Variants in SCUBE1 observed in about 807,000 individuals in gnomAD.
SCUBE1 encodes the protein signal peptide, CUB and EGF-like domain-containing protein 1.
SCUBE1 carries 59 observed loss-of-function variants against 124.4 expected under a neutral mutation model. The ratio of observed to expected loss-of-function variants is 0.47; its 90% CI spans 0.38 to 0.59. The LOEUF (loss-of-function observed/expected upper bound fraction) is 0.59. SCUBE1 is among the 20% of genes least tolerant of loss of function. The pLI is 0.00. For synonymous variants in SCUBE1, 545 were observed against 550.9 expected, an observed-to-expected ratio of 0.99 and a Z score of 0.15; for missense variants, 1,150 against 1,371.2, an observed-to-expected ratio of 0.84 and a Z score of 2.55.
Position 43,200,121 on chromosome 22 carries a change from C to T in SCUBE1, c.*3876G>A, listed in dbSNP as rs947594190. On this transcript the variant is annotated 3_prime_UTR_variant, in exon 22 of 22. Coordinates refer to ENST00000360835, the MANE Select transcript of SCUBE1 (RefSeq NM_173050.5). ...TTTCCATGCCTTTCTTCACAGAGTT[C>T]CTCTGGTTCCCTGGGGTGCCATGCT... The T allele has an allele frequency of 3.9e-5, 6 of 152,302 alleles. No individual in the cohort carries two copies. Among genetic ancestry groups the T allele is most frequent in the African/African-American group, 1.4e-4 (6 of 41,474 alleles). The allele number at this position is 152,302 out of a possible 1,614,324, so 9.4% of individuals were successfully genotyped here.
At chr22:43,260,109 G>A (rs752987423) in intron 5 of SCUBE1, among the ~76,000 whole-genome samples, 6 of 152,192 alleles carry the variant, frequency 3.9e-5, no homozygotes, top group African/African-American at 9.7e-5. Flanking sequence ...GGAGATTCCC[G>A]TTTCAGAGTG....
rs747900977 is a variant in SCUBE1, at chr22:43,207,624, G to A, written c.2735-11C>T. 8 of 1,610,920 alleles carry A rather than the reference G, an allele frequency of 5.0e-6. No individual in the cohort carries two copies. In the Admixed American group the frequency reaches 1.3e-4, roughly 27 times the overall value. ...GTTGCTGGTAGTCCTCTGGGCAGCG[G>A]GTCAGCAGGGGGAGAGGAAGGCGAG... On this transcript the variant is annotated splice_polypyrimidine_tract_variant and intron_variant, in intron 20 of 21. Coordinates refer to ENST00000360835, the MANE Select transcript of SCUBE1 (RefSeq NM_173050.5).
chr22:43,242,600 C>G lies in SCUBE1; in HGVS notation c.728-3646G>C, dbSNP rs115883279. 3.2e-3 allele frequency among the ~76,000 whole-genome samples: 493 copies of G among 152,354 alleles called. 4 individuals carry two copies. Among genetic ancestry groups the G allele is most frequent in the African/African-American group, 0.011 (464 of 41,590 alleles). ...CATTATGGCCTCATGAGGAATCTCC[C>G]CCACCCTGAAACACACTTGTGGAGG... On this transcript the variant is annotated intron_variant, in intron 6 of 21. Coordinates refer to ENST00000360835, the MANE Select transcript of SCUBE1 (RefSeq NM_173050.5).
chr22:43,335,040 G>A (rs1927019258), intron 2 of SCUBE1, among the ~76,000 whole-genome samples: 1 of 152,172 alleles, frequency 6.6e-6, no homozygotes, highest in African/African-American at 2.4e-5. Context: ...ATAACCACCT[G>A]CAGAAACACA....
intron 16 of SCUBE1, among the ~76,000 whole-genome samples, chr22:43,212,914 G>A (rs1340209740): frequency 1.3e-5 from 2 of 152,176 alleles, no homozygotes; most frequent in Non-Finnish European, 2.9e-5. Flanking sequence ...GGAGGGGCAG[G>A]TCACGTGTCT....
chr22:43,271,171 G>A (rs2146721940), intron 4 of SCUBE1, among the ~76,000 whole-genome samples: 1 of 151,946 alleles, frequency 6.6e-6, no homozygotes, highest in East Asian at 1.9e-4. Context: ...CTCTCCACAA[G>A]TGCCTAGGTT....
At chr22:43,304,772 A>T (rs1569022659) in intron 3 of SCUBE1, among the ~76,000 whole-genome samples, 1 of 151,752 alleles carries the variant, frequency 6.6e-6, no homozygotes, top group Non-Finnish European at 1.5e-5. Flanking sequence ...CCCTCCTAAA[A>T]TGTCCTCCCT....
At chr22:43,305,428 G>A (rs1373205059) in intron 3 of SCUBE1, among the ~76,000 whole-genome samples, 1 of 152,166 alleles carries the variant, frequency 6.6e-6, no homozygotes, top group African/African-American at 2.4e-5. Context: ...AATGCAGGGA[G>A]CAGGTCCCTC....
At chr22:43,222,958 C>A in intron 11 of SCUBE1, 139 bp downstream of exon 11, 4 of 1,254,678 alleles carry the variant, frequency 3.2e-6, no homozygotes, top group Non-Finnish European at 4.4e-6. Context: ...CAGACAGCTG[C>A]CTTAGGGTCA....
chr22:43,242,445 G>GGCC (rs1361465493), intron 6 of SCUBE1, among the ~76,000 whole-genome samples: 1 of 152,236 alleles, frequency 6.6e-6, no homozygotes, highest in East Asian at 1.9e-4. Flanking sequence ...CAGCAAACGG[G>GGCC]GCCCCGAGGC....
chr22:43,256,009 CACAGGACAAGGGG>C (rs1299879532), intron 6 of SCUBE1, among the ~76,000 whole-genome samples: 1 of 152,136 alleles, frequency 6.6e-6, no homozygotes, highest in Non-Finnish European at 1.5e-5. Flanking sequence ...CAGGACAAGG[CACAGGACAAGGGG>C]ACAGGGCCAC....
chr22:43,295,886 G>A (rs1197767823), intron 3 of SCUBE1, among the ~76,000 whole-genome samples: 2 of 152,234 alleles, frequency 1.3e-5, no homozygotes, highest in Non-Finnish European at 2.9e-5. Flanking sequence ...TGGAAGAGGC[G>A]AAGTACAAGC....
chr22:43,301,387 TC>T (rs1278464513), intron 3 of SCUBE1, among the ~76,000 whole-genome samples: 1 of 151,814 alleles, frequency 6.6e-6, no homozygotes, highest in African/African-American at 2.4e-5. Context: ...TCTGCCCACG[TC>T]CCCCCGGGCT....
chr22:43,255,388 C>T lies in SCUBE1; in HGVS notation c.727+2831G>A. 1.9e-6 allele frequency: 2 copies of T among 1,031,008 alleles called. No homozygotes were observed. Among genetic ancestry groups the T allele is most frequent in the South Asian group, 1.4e-5 (1 of 71,192 alleles). 63.9% of individuals were successfully genotyped at this position (1,031,008 alleles called of 1,614,324 possible). On this transcript the variant is annotated intron_variant, in intron 6 of 21. Coordinates refer to ENST00000360835, the MANE Select transcript of SCUBE1 (RefSeq NM_173050.5). This position sits in a 1 kb window ranked among gnomAD's most constrained non-coding sequence, Gnocchi z 4.7. ...ACACGTCACACCCACACACAGCACA[C>T]ACACGCCCATGTCCACATGCCAGTG... is the stretch of plus-strand genomic sequence containing the variant.
At chr22:43,341,744 G>A (rs2146808694) in intron 1 of SCUBE1, among the ~76,000 whole-genome samples, 1 of 152,294 alleles carries the variant, frequency 6.6e-6, no homozygotes, top group African/African-American at 2.4e-5. Context: ...CCCCTGCAGG[G>A]CGACCCAGCC....
intron 15 of SCUBE1, among the ~76,000 whole-genome samples, chr22:43,216,613 T>C (rs927803952): frequency 2.0e-4 from 31 of 151,982 alleles, no homozygotes; most frequent in East Asian, 2.0e-4. Flanking sequence ...GATTACACCA[T>C]TGCACTGCAG....
intron 4 of SCUBE1, among the ~76,000 whole-genome samples, chr22:43,286,526 A>G (rs979378291): frequency 2.6e-5 from 4 of 152,244 alleles, no homozygotes; most frequent in Admixed American, 6.5e-5. Flanking sequence ...AGTGAGGCCC[A>G]GTGTCAGTGC....
intron 3 of SCUBE1, among the ~76,000 whole-genome samples, chr22:43,311,459 C>T (rs541934099): frequency 7.5e-5 from 11 of 146,008 alleles, no homozygotes; most frequent in African/African-American, 1.3e-4. Context: ...CTCACTCTGT[C>T]GCCCAGGCTG....
At chr22:43,220,943 G>A (rs1197019282) in intron 13 of SCUBE1, among the ~76,000 whole-genome samples, 1 of 152,190 alleles carries the variant, frequency 6.6e-6, no homozygotes, top group African/African-American at 2.4e-5. Context: ...GAATCTTCAC[G>A]GGGACAGAGC....
Sources: allele counts gnomAD v4.1 joint callset (sites outside exome capture counted in the v4.1 genomes callset), GRCh38; gene constraint gnomAD v4.1.1; non-coding constraint Gnocchi (gnomAD v3.1); transcripts MANE v1.5; gene names NCBI Gene and HGNC (gene_info 2026-07-23, HGNC 2026-07-21).